Variants in TRAPPC9 observed in about 807,000 individuals in gnomAD.
TRAPPC9 encodes the protein IKK2 binding protein.
Under a neutral mutation model 124.0 loss-of-function variants are expected in TRAPPC9, and 83 were observed. That is an observed-to-expected ratio of 0.67 (90% CI 0.56 to 0.80). The LOEUF is 0.80. Ranked by LOEUF, TRAPPC9 falls within the 30% of genes least tolerant of loss-of-function variation. The probability of loss-of-function intolerance (pLI) is 0.00; values close to 1 mark genes in which losing one functional copy is unlikely to be tolerated. For synonymous variants in TRAPPC9, 638 were observed against 617.5 expected (o/e 1.03, Z -0.49); for missense variants, 1,302 against 1,508.3 (o/e 0.86, Z 2.27).
At chr8:139,797,944 T>C (rs963516260) in intron 21 of TRAPPC9, among the ~76,000 whole-genome samples, 1 of 152,228 alleles carries the variant, frequency 6.6e-6, no homozygotes, top group African/African-American at 2.4e-5. Flanking sequence ...GTTGTCCAAC[T>C]TCGTTCTTCT....
chr8:140,044,438 A>C (rs762015236), intron 17 of TRAPPC9, among the ~76,000 whole-genome samples: 15 of 152,248 alleles, frequency 9.9e-5, no homozygotes, highest in Non-Finnish European at 2.2e-4. Context: ...CAAATCCCAC[A>C]GCTTCAGTGG....
chr8:140,005,327 A>G lies in TRAPPC9; in HGVS notation c.2700-16491T>C, dbSNP rs1396055334. 2.0e-5 allele frequency among the ~76,000 whole-genome samples: 3 copies of G among 152,316 alleles called. No homozygotes were observed. The East Asian group carries it at 5.8e-4, about 29-fold the overall frequency. On this transcript the variant is annotated intron_variant, in intron 18 of 22. Transcript: ENST00000438773. Reference sequence around the variant, plus strand: ...GCTTCACTGTGCAAGCTGAACCTGCAGAGTAGGAAGGTGCTGAAATCTCTA... The same window carrying G: ...GCTTCACTGTGCAAGCTGAACCTGCGGAGTAGGAAGGTGCTGAAATCTCTA...
In TRAPPC9 at chr8:139,959,540, C is replaced by T. The variant is rs578197749; in HGVS notation, c.2810+29186G>A. On this transcript the variant is annotated intron_variant, in intron 19 of 22. Coordinates refer to ENST00000438773, the MANE Select transcript of TRAPPC9 (RefSeq NM_001160372.4). ...TTGGGCACCAACGCTGGCAAGCCCT[C>T]TTAAGGAAGAGCACTGCCAGGGTCC... Among the ~76,000 whole-genome samples the T allele has an allele frequency of 2.4e-3, 371 of 152,324 alleles. 3 individuals carry two copies. The highest frequency in any genetic ancestry group is 0.016 in the South Asian group (79 of 4,824).
intron 17 of TRAPPC9, among the ~76,000 whole-genome samples, chr8:140,141,085 A>G (rs2061375090): frequency 6.6e-6 from 1 of 152,204 alleles, no homozygotes; most frequent in African/African-American, 2.4e-5. Context: ...CCACATTTCT[A>G]ACATGGCATT....
chr8:140,184,531 G>T (rs1429156092), intron 17 of TRAPPC9, among the ~76,000 whole-genome samples: 8 of 152,152 alleles, frequency 5.3e-5, no homozygotes, highest in Non-Finnish European at 1.2e-4. Flanking sequence ...CACCTCCCGG[G>T]TTCAAGCAAT....
At chr8:140,009,148 C>T (rs1168881142) in intron 18 of TRAPPC9, among the ~76,000 whole-genome samples, 1 of 151,914 alleles carries the variant, frequency 6.6e-6, no homozygotes, top group Non-Finnish European at 1.5e-5. Flanking sequence ...ATGTACTTAT[C>T]ATGAAAAAAA....
intron 16 of TRAPPC9, among the ~76,000 whole-genome samples, chr8:140,234,820 T>C (rs1019657254): frequency 1.3e-5 from 2 of 152,254 alleles, no homozygotes; most frequent in East Asian, 3.8e-4. Context: ...AGATGGTTCA[T>C]AGGCCTAAAT....
At chr8:140,072,517 C>CAA (rs1203630621) in intron 17 of TRAPPC9, among the ~76,000 whole-genome samples, 2,556 of 109,512 alleles carry the variant, frequency 0.023, 97 homozygotes, top group African/African-American at 0.079. Context: ...GACTCCGTCT[C>CAA]AAAAAAAAAA....
intron 21 of TRAPPC9, among the ~76,000 whole-genome samples, chr8:139,744,923 C>G (rs1187739409): frequency 6.6e-6 from 1 of 152,228 alleles, no homozygotes; most frequent in Non-Finnish European, 1.5e-5. Flanking sequence ...TTGGAGTTCT[C>G]TCATCGGAGG....
intron 7 of TRAPPC9, among the ~76,000 whole-genome samples, chr8:140,375,524 G>C (rs2068411536): frequency 6.6e-6 from 1 of 152,222 alleles, no homozygotes; most frequent in Non-Finnish European, 1.5e-5. Context: ...GATGGAGAGG[G>C]AGGAATACAG....
At chr8:140,268,063 G>A (rs1201500669) in intron 15 of TRAPPC9, among the ~76,000 whole-genome samples, 15 of 152,008 alleles carry the variant, frequency 9.9e-5, no homozygotes, top group Admixed American at 9.2e-4. Flanking sequence ...TTCATCTCGT[G>A]TGGCAAAATT....
intron 17 of TRAPPC9, among the ~76,000 whole-genome samples, chr8:140,161,319 C>T (rs912520629): frequency 5.3e-5 from 8 of 152,276 alleles, no homozygotes; most frequent in South Asian, 2.1e-4. Flanking sequence ...ACGCAGCTAG[C>T]GTGCAGCCGA....
rs546805632 is a variant in TRAPPC9, at chr8:140,378,052, G to A, written c.1135-6872C>T. Among the ~76,000 whole-genome samples the A allele has an allele frequency of 5.3e-5, 8 of 152,226 alleles. No individual in the cohort carries two copies. The East Asian group carries it at 7.7e-4, about 15-fold the overall frequency. The stretch of plus-strand genomic sequence containing the variant: ...TCTAACATCTCAATCCAGAGCTTCC[G>A]TGAACCTTTTTCATGTTTTCTGTTC... On this transcript the variant is annotated intron_variant, in intron 7 of 22. Coordinates refer to ENST00000438773, the MANE Select transcript of TRAPPC9 (RefSeq NM_001160372.4).
At chr8:140,230,405 T>C (rs926817137) in intron 16 of TRAPPC9, among the ~76,000 whole-genome samples, 1 of 152,034 alleles carries the variant, frequency 6.6e-6, no homozygotes, top group African/African-American at 2.4e-5. Flanking sequence ...GGTCAGGAGT[T>C]CAAGACCAGC....
At chr8:139,965,803 T>C (rs1050367254) in intron 19 of TRAPPC9, among the ~76,000 whole-genome samples, 6 of 59,166 alleles carry the variant, frequency 1.0e-4, no homozygotes, top group Non-Finnish European at 2.6e-4. Context: ...GTTGGCTACG[T>C]GCTGAATGTG....
chr8:140,045,788 A>T (rs1275087988), intron 17 of TRAPPC9, among the ~76,000 whole-genome samples: 3 of 151,940 alleles, frequency 2.0e-5, no homozygotes, highest in African/African-American at 7.3e-5. Context: ...CTCAGCCTCG[A>T]GGTGGCAGAG....
rs917208844 is a variant in TRAPPC9, at chr8:140,445,549, C to G, written c.584+5241G>C. Among the ~76,000 whole-genome samples the G allele has an allele frequency of 2.6e-5, 4 of 152,288 alleles. No individual in the cohort carries two copies. In the East Asian group the frequency reaches 7.7e-4, roughly 29 times the overall value. On this transcript the variant is annotated intron_variant, in intron 2 of 22. Transcript: ENST00000438773. ...GAGCAGGGGAGGAGGGAGCCCGGGC[C>G]AGGCTGTCCCCATGGATCCTGGGAG...
intron 21 of TRAPPC9, among the ~76,000 whole-genome samples, chr8:139,843,883 T>A (rs182474717): frequency 1.6e-3 from 242 of 152,334 alleles, no homozygotes; most frequent in African/African-American, 5.6e-3. Context: ...ATGTGCACGC[T>A]GATTCACCAG....
At chr8:140,358,860 T>A (rs1314255563) in intron 9 of TRAPPC9, among the ~76,000 whole-genome samples, 1 of 152,126 alleles carries the variant, frequency 6.6e-6, no homozygotes, top group African/African-American at 2.4e-5. Flanking sequence ...GAGCCCTTCA[T>A]CAAGACCCTA....
Sources: allele counts gnomAD v4.1 joint callset (sites outside exome capture counted in the v4.1 genomes callset), GRCh38; gene constraint gnomAD v4.1.1; transcripts MANE v1.5; gene names NCBI Gene and HGNC (gene_info 2026-07-23, HGNC 2026-07-21).